Variants in KCTD5 observed in about 807,000 individuals in gnomAD.
The protein encoded by KCTD5 is potassium channel tetramerization domain containing 5, also known as BTB/POZ domain-containing protein KCTD5.
In KCTD5, 12 loss-of-function variants were observed where a neutral mutation model predicts 27.9. The observed-to-expected ratio is 0.43, with a 90% CI of 0.28 to 0.70. The LOEUF is 0.70. Among genes scored for constraint, KCTD5 ranks in the 30% least tolerant of loss-of-function variants. The pLI is 0.19. For missense variants in KCTD5, 226 were observed against 274.8 expected (o/e 0.82, Z 1.26); for synonymous variants, 147 against 121.4 (o/e 1.21, Z -1.39).
At chr16:2,689,979 C>T (rs1030559279) in intron 1 of KCTD5, among the ~76,000 whole-genome samples, 2 of 152,258 alleles carry the variant, frequency 1.3e-5, no homozygotes, top group Non-Finnish European at 2.9e-5. Context: ...CCCAGCCCTT[C>T]ACTGCCATTT....
chr16:2,704,277 A>G (rs2067624968), intron 5 of KCTD5, among the ~76,000 whole-genome samples: 1 of 152,140 alleles, frequency 6.6e-6, no homozygotes, highest in Non-Finnish European at 1.5e-5. Flanking sequence ...GAGCTGGAGG[A>G]CCGTGATGGG....
At chr16:2,699,240 G>A (rs8059210) in intron 3 of KCTD5, 15 of 455,846 alleles carry the variant, frequency 3.3e-5, no homozygotes, top group Middle Eastern at 3.2e-4. Context: ...CCATGCAGGC[G>A]GGCGGCCCTG....
At chr16:2,688,247 T>TATATATATA (rs1567193128) in intron 1 of KCTD5, among the ~76,000 whole-genome samples, 1 of 106,108 alleles carries the variant, frequency 9.4e-6, no homozygotes, top group South Asian at 3.1e-4. Context: ...ATATATATAT[T>TATATATATA]TATTTATTTA....
intron 5 of KCTD5, among the ~76,000 whole-genome samples, chr16:2,704,787 GCA>G (rs2067627798): frequency 1.3e-5 from 2 of 152,216 alleles, no homozygotes; most frequent in South Asian, 4.1e-4. Context: ...TGGGGCCAAT[GCA>G]GTGGGGTCCA....
chr16:2,696,902 G>C (rs1262596101), intron 2 of KCTD5, among the ~76,000 whole-genome samples: 1 of 152,252 alleles, frequency 6.6e-6, no homozygotes, highest in Non-Finnish European at 1.5e-5. Flanking sequence ...GGTCGCTTGG[G>C]CAGCCGCTTG....
At chr16:2,706,279 C>G (rs1255924628) in intron 5 of KCTD5, among the ~76,000 whole-genome samples, 1 of 152,172 alleles carries the variant, frequency 6.6e-6, no homozygotes, top group Admixed American at 6.5e-5. Context: ...GTGGCATGCA[C>G]CTCTCACCAC....
At chr16:2,689,460 A>G (rs1367390694) in intron 1 of KCTD5, among the ~76,000 whole-genome samples, 2 of 125,612 alleles carry the variant, frequency 1.6e-5, no homozygotes, top group African/African-American at 5.9e-5. Flanking sequence ...GACAGAGTTT[A>G]TCTCCTGGAT....
Position 2,707,370 on chromosome 16 carries a change from C to T in KCTD5, c.*43C>T, listed in dbSNP as rs201954966. ...GCTGAAGAAATGATTTACGTTTTCC[C>T]GAGATGTAATGAACTGCCATGTCCA... On this transcript the variant is annotated 3_prime_UTR_variant, in exon 6 of 6. Coordinates refer to ENST00000301738, the MANE Select transcript of KCTD5 (RefSeq NM_018992.4). 1,120 of 1,597,060 alleles carry T rather than the reference C, an allele frequency of 7.0e-4. 5 individuals carry two copies. The highest frequency in any genetic ancestry group is 3.9e-4 in the Non-Finnish European group (450 of 1,164,390).
At chr16:2,698,587 G>A (rs771311126) in intron 3 of KCTD5, among the ~76,000 whole-genome samples, 6 of 152,162 alleles carry the variant, frequency 3.9e-5, no homozygotes, top group Non-Finnish European at 8.8e-5. Flanking sequence ...CCTGAGAGCT[G>A]AGCCCGCCCC....
intron 3 of KCTD5, chr16:2,699,282 G>GCC: frequency 2.2e-6 from 1 of 451,472 alleles, no homozygotes; most frequent in Non-Finnish European, 4.5e-6. Context: ...GACCACAGCT[G>GCC]CCTGGAGGGG....
At chr16:2,702,848 G>A (rs999996355) in intron 5 of KCTD5, among the ~76,000 whole-genome samples, 1 of 152,078 alleles carries the variant, frequency 6.6e-6, no homozygotes, top group Non-Finnish European at 1.5e-5. Flanking sequence ...GGCTGTCATA[G>A]GGGTCTGGGC....
At chr16:2,706,113 AGAGT>A (rs1596226998) in intron 5 of KCTD5, among the ~76,000 whole-genome samples, 1 of 152,168 alleles carries the variant, frequency 6.6e-6, no homozygotes, top group African/African-American at 2.4e-5. Flanking sequence ...GAGGCACTGG[AGAGT>A]GAGTGGGAGC....
intron 1 of KCTD5, among the ~76,000 whole-genome samples, chr16:2,692,605 G>A (rs942895475): frequency 1.3e-5 from 2 of 152,194 alleles, no homozygotes; most frequent in African/African-American, 4.8e-5. Context: ...CATACTAATT[G>A]GTTCATGGGC....
At position 2,699,924 on chromosome 16, in the gene KCTD5, G is replaced by T. The variant is rs765880446; in HGVS notation, c.549+8G>T. ...GGCTGGAAGTTCGAGCAGGTGAGGG[G>T]CCCTGGCCAGCCTGGTGGCAGCCAT... is the stretch of plus-strand genomic sequence containing the variant. On this transcript the variant is annotated splice_region_variant and intron_variant, in intron 4 of 5. Coordinates refer to ENST00000301738, the MANE Select transcript of KCTD5 (RefSeq NM_018992.4). 6 of 1,612,576 alleles carry T rather than the reference G, an allele frequency of 3.7e-6. No individual in the cohort carries two copies. In the Admixed American group the frequency reaches 1.0e-4, roughly 27 times the overall value.
intron 1 of KCTD5, among the ~76,000 whole-genome samples, chr16:2,688,274 G>A (rs1386742169): frequency 5.5e-5 from 8 of 145,576 alleles, no homozygotes; most frequent in Admixed American, 3.4e-4. Context: ...TATTTGAGAC[G>A]GAGTCTTGCT....
intron 5 of KCTD5, among the ~76,000 whole-genome samples, chr16:2,705,365 C>G (rs1567196873): frequency 6.6e-6 from 1 of 152,134 alleles, no homozygotes; most frequent in Non-Finnish European, 1.5e-5. Flanking sequence ...GGCAGATGCC[C>G]AGGGGCAGTG....
At chr16:2,690,566 A>G (rs2067561823) in intron 1 of KCTD5, among the ~76,000 whole-genome samples, 1 of 152,256 alleles carries the variant, frequency 6.6e-6, no homozygotes. Flanking sequence ...GATCAAGCGC[A>G]GCCTGTGCTG....
At chr16:2,701,240 G>A (rs1314559858) in intron 4 of KCTD5, among the ~76,000 whole-genome samples, 2 of 152,236 alleles carry the variant, frequency 1.3e-5, no homozygotes, top group Non-Finnish European at 2.9e-5. Context: ...AAGAACGGGT[G>A]TCCTCCCCCT....
At chr16:2,702,004 C>T (rs761434897) in intron 4 of KCTD5, among the ~76,000 whole-genome samples, 2 of 152,144 alleles carry the variant, frequency 1.3e-5, no homozygotes, top group Non-Finnish European at 2.9e-5. Context: ...TTTTCAGAGC[C>T]GCCCTCCACT....
Sources: gnomAD v4.1 joint callset for allele counts (sites outside exome capture counted in the v4.1 genomes callset) on GRCh38, gnomAD v4.1.1 for gene constraint, MANE v1.5 for transcripts, NCBI Gene and HGNC (gene_info 2026-07-23, HGNC 2026-07-21) for gene names.